Variants in SPAG17 observed in about 807,000 individuals in gnomAD.
The protein encoded by SPAG17 is sperm associated antigen 17.
SPAG17 carries 169 observed loss-of-function variants against 273.6 expected under a neutral mutation model. The ratio of observed to expected loss-of-function variants is 0.62; its 90% CI spans 0.55 to 0.70. The LOEUF is 0.70. Among genes scored for constraint, SPAG17 ranks in the 30% least tolerant of loss-of-function variants. The pLI, the probability that SPAG17 is intolerant of heterozygous loss-of-function variation, is 0.00. For missense variants in SPAG17, 2,557 were observed against 2,627.8 expected (o/e 0.97, Z 0.59); for synonymous variants, 825 against 873.2 (o/e 0.94, Z 0.97).
chr1:118,126,870 T>C (rs1258813567), intron 3 of SPAG17, among the ~76,000 whole-genome samples: 1 of 151,028 alleles, frequency 6.6e-6, no homozygotes, highest in East Asian at 2.1e-4. Flanking sequence ...TTGTGTATGG[T>C]GAGAGAAAGA....
chr1:118,035,355 AG>A (rs1477927089), intron 24 of SPAG17, among the ~76,000 whole-genome samples: 1 of 152,202 alleles, frequency 6.6e-6, no homozygotes, highest in Non-Finnish European at 1.5e-5. Context: ...CAGAATTGAT[AG>A]CAGGTATAAA....
rs370987731 is a variant in SPAG17, at chr1:118,055,696, A to G, written c.2722+37T>C. 1.5e-4 allele frequency: 214 copies of G among 1,471,532 alleles called. 2 individuals carry two copies. The African/African-American group carries it at 2.9e-3, about 20-fold the overall frequency. 91.2% of individuals were successfully genotyped at this position (1,471,532 alleles called of 1,614,324 possible). A position where few individuals can be genotyped will look rare whatever the true frequency, so the allele number is the denominator to read the frequency against. ...ATTAAGAGAGAGAAGAACGTTCTTGAATTTTATTCTACGTATAAGTTGAAC... is the reference window on the plus strand; with the variant it reads ...ATTAAGAGAGAGAAGAACGTTCTTGGATTTTATTCTACGTATAAGTTGAAC... On this transcript the variant is annotated intron_variant, in intron 19 of 48. Transcript: ENST00000336338.
chr1:118,087,132 G>A (rs985484675), intron 10 of SPAG17, 124 bp from the exon 11 acceptor site: 1 of 1,065,836 alleles, frequency 9.4e-7, no homozygotes, highest in East Asian at 2.7e-5. Flanking sequence ...AAGTACCACT[G>A]ATGACACAAA....
At position 118,091,790 on chromosome 1, in the gene SPAG17, T is replaced by C. The variant is rs542685413; in HGVS notation, c.1247-72A>G. On this transcript the variant is annotated intron_variant, in intron 9 of 48. Coordinates refer to ENST00000336338, the MANE Select transcript of SPAG17 (RefSeq NM_206996.4). ...ATTATTTCCATCAAAATTTCATGCA[T>C]AATTTCAAACTATGACTATGCACTA... The C allele has an allele frequency of 7.3e-6, 10 of 1,365,400 alleles. No individual in the cohort carries two copies. The East Asian group carries it at 1.4e-4, about 19-fold the overall frequency. The allele number at this position is 1,365,400 out of a possible 1,614,324, so 84.6% of individuals were successfully genotyped here.
chr1:117,985,598 C>G (rs779658449), intron 40 of SPAG17, among the ~76,000 whole-genome samples: 1 of 152,154 alleles, frequency 6.6e-6, no homozygotes, highest in Non-Finnish European at 1.5e-5. Flanking sequence ...CCACCTCTGA[C>G]TTTTTTCACG....
intron 30 of SPAG17, among the ~76,000 whole-genome samples, chr1:118,010,142 T>C (rs2101766180): frequency 6.6e-6 from 1 of 152,224 alleles, no homozygotes; most frequent in South Asian, 2.1e-4. Flanking sequence ...ATAAGAGGAA[T>C]AAATTAAAGA....
At chr1:118,109,361 C>G (rs1174056662) in intron 4 of SPAG17, among the ~76,000 whole-genome samples, 1 of 132,928 alleles carries the variant, frequency 7.5e-6, no homozygotes, top group Non-Finnish European at 1.6e-5. Context: ...GCTTGGCCAA[C>G]ATGGCGATAT....
intron 25 of SPAG17, 106 bp from the exon 26 acceptor site, chr1:118,028,500 C>T: frequency 4.9e-6 from 7 of 1,441,706 alleles, no homozygotes; most frequent in Non-Finnish European, 5.6e-6. Context: ...ATGACTTGCA[C>T]AGAGCTAGGT....
chr1:118,179,567 G>A (rs1660847475), intron 1 of SPAG17, among the ~76,000 whole-genome samples: 1 of 151,982 alleles, frequency 6.6e-6, no homozygotes, highest in African/African-American at 2.4e-5. Context: ...AAAAGCATAT[G>A]CAACCAAAGC....
At chr1:117,977,030 C>G (rs1655211247) in intron 43 of SPAG17, among the ~76,000 whole-genome samples, 1 of 152,080 alleles carries the variant, frequency 6.6e-6, no homozygotes, top group South Asian at 2.1e-4. Context: ...AATATTCAGG[C>G]TGGGCACGGT....
At chr1:118,001,417 G>C (rs903124257) in intron 32 of SPAG17, among the ~76,000 whole-genome samples, 17 of 152,078 alleles carry the variant, frequency 1.1e-4, no homozygotes, top group African/African-American at 4.1e-4. Flanking sequence ...TTTTGTGCCT[G>C]TGGTAGAATT....
rs143274830 is a variant in SPAG17 at position 118,154,064 on chromosome 1, C to T, written c.88-2695G>A. On this transcript the variant is annotated intron_variant, in intron 1 of 48. Coordinates refer to ENST00000336338, the MANE Select transcript of SPAG17 (RefSeq NM_206996.4). ...GTTCCTCCAAGTCATGGCACAGTAC[C>T]GAAACTCACGGGTCCCTGAAGTCAC... Among the ~76,000 whole-genome samples the T allele has an allele frequency of 2.7e-3, 418 of 152,138 alleles. 1 individual carries two copies. Among genetic ancestry groups the T allele is most frequent in the Middle Eastern group, 0.017 (5 of 294 alleles).
At chr1:118,122,369 G>A (rs888376395) in intron 3 of SPAG17, among the ~76,000 whole-genome samples, 2 of 152,132 alleles carry the variant, frequency 1.3e-5, no homozygotes, top group Admixed American at 1.3e-4. Context: ...AATCAGTTGC[G>A]GAAGCCATAA....
chr1:118,083,203 G>A (rs1007678721), intron 13 of SPAG17, among the ~76,000 whole-genome samples: 11 of 152,108 alleles, frequency 7.2e-5, no homozygotes, highest in Middle Eastern at 3.4e-3. Flanking sequence ...TGATCCACCC[G>A]TCTCGGCCTC....
At chr1:118,005,643 T>G in intron 31 of SPAG17, 41 bp from the exon 32 acceptor site, 1 of 1,352,210 alleles carries the variant, frequency 7.4e-7, no homozygotes, top group Admixed American at 3.0e-5. Context: ...TAAAATTTTC[T>G]TGTTAAATAT....
At chr1:118,135,432 G>GTGT (rs1558036945) in intron 3 of SPAG17, among the ~76,000 whole-genome samples, 6 of 145,746 alleles carry the variant, frequency 4.1e-5, no homozygotes, top group African/African-American at 1.3e-4. Flanking sequence ...TGTGTGTGTG[G>GTGT]GGTATGGTGT....
intron 7 of SPAG17, among the ~76,000 whole-genome samples, 198 bp downstream of exon 7, chr1:118,097,472 T>TCACA (rs1655785658): frequency 6.6e-6 from 1 of 152,362 alleles, no homozygotes; most frequent in African/African-American, 2.4e-5. Context: ...TGTTGTTAAT[T>TCACA]CACACACTAA....
chr1:118,147,198 T>C (rs1359451263), intron 3 of SPAG17, among the ~76,000 whole-genome samples: 2 of 152,238 alleles, frequency 1.3e-5, no homozygotes, highest in Non-Finnish European at 2.9e-5. Flanking sequence ...GGTTAGAGTC[T>C]TTATAATATT....
At chr1:118,157,587 T>C (rs952561303) in intron 1 of SPAG17, among the ~76,000 whole-genome samples, 3 of 152,146 alleles carry the variant, frequency 2.0e-5, no homozygotes, top group Non-Finnish European at 4.4e-5. Context: ...AAGCACCCCC[T>C]GCCAACAAAT....
Sources: allele counts gnomAD v4.1 joint callset (sites outside exome capture counted in the v4.1 genomes callset), GRCh38; gene constraint gnomAD v4.1.1; transcripts MANE v1.5; gene names NCBI Gene and HGNC (gene_info 2026-07-23, HGNC 2026-07-21).